GRM8: variants seen among roughly 807,000 people sequenced by gnomAD.
The protein encoded by GRM8 is metabotropic glutamate receptor 8.
GRM8 carries 47 observed loss-of-function variants against 87.2 expected under a neutral mutation model. That is an observed-to-expected ratio of 0.54 (90% CI 0.43 to 0.69). The LOEUF is 0.69. Among genes scored for constraint, GRM8 ranks in the 30% least tolerant of loss-of-function variants. The probability of loss-of-function intolerance (pLI) is 0.00; values close to 1 mark genes in which losing one functional copy is unlikely to be tolerated. For synonymous variants in GRM8, 396 were observed against 404.5 expected (o/e 0.98, Z 0.25); for missense variants, 1,019 against 1,139.2 (o/e 0.89, Z 1.52).
chr7:127,244,159 C>G (rs1374923895), intron 1 of GRM8, among the ~76,000 whole-genome samples: 1 of 152,098 alleles, frequency 6.6e-6, no homozygotes, highest in African/African-American at 2.4e-5. Flanking sequence ...AAATGAAACA[C>G]ACAGGTAAGG....
chr7:126,917,592 A>T (rs1240911839), intron 3 of GRM8, among the ~76,000 whole-genome samples: 1 of 152,210 alleles, frequency 6.6e-6, no homozygotes. Context: ...TTATTTTTAC[A>T]TGGAAAAAAC....
chr7:127,232,117 A>G (rs1175102750), intron 2 of GRM8, among the ~76,000 whole-genome samples: 1 of 152,052 alleles, frequency 6.6e-6, no homozygotes, highest in East Asian at 1.9e-4. Context: ...TTGGCCTTCA[A>G]GAAAACTAGA....
chr7:127,096,815 C>G (rs1441900003), intron 3 of GRM8, among the ~76,000 whole-genome samples: 1 of 152,174 alleles, frequency 6.6e-6, no homozygotes, highest in African/African-American at 2.4e-5. Flanking sequence ...GATGAACCTA[C>G]AGATTATAGG....
At chr7:126,642,648 A>T (rs994611923) in intron 7 of GRM8, among the ~76,000 whole-genome samples, 1 of 137,056 alleles carries the variant, frequency 7.3e-6, no homozygotes, top group Non-Finnish European at 1.7e-5. Context: ...TAAAAAAAAT[A>T]ATAATAATAA....
chr7:127,131,865 C>T (rs565404309), intron 2 of GRM8, among the ~76,000 whole-genome samples: 42 of 152,158 alleles, frequency 2.8e-4, no homozygotes, highest in African/African-American at 1.0e-3. Context: ...GTTATTTATG[C>T]TTAATTATGT....
intron 8 of GRM8, among the ~76,000 whole-genome samples, chr7:126,545,189 C>A (rs1034269014): frequency 2.0e-5 from 3 of 152,048 alleles, no homozygotes; most frequent in Admixed American, 2.0e-4. Flanking sequence ...ATTGTGGATG[C>A]GGTGGTTTAA....
chr7:126,569,830 T>G (rs1460113923), intron 8 of GRM8, among the ~76,000 whole-genome samples: 1 of 152,220 alleles, frequency 6.6e-6, no homozygotes, highest in Non-Finnish European at 1.5e-5. Context: ...TACAGGCACC[T>G]AAGTCAATCC....
intron 3 of GRM8, among the ~76,000 whole-genome samples, chr7:126,946,424 C>A (rs1288417247): frequency 6.6e-6 from 1 of 152,080 alleles, no homozygotes; most frequent in Non-Finnish European, 1.5e-5. Context: ...TCACTTGGGC[C>A]TAATAAATTG....
At chr7:126,483,023 G>A (rs545281937) in intron 9 of GRM8, among the ~76,000 whole-genome samples, 50 of 149,342 alleles carry the variant, frequency 3.3e-4, no homozygotes, top group African/African-American at 1.1e-3. Context: ...ATGTTTATGT[G>A]TATACTTATT....
chr7:127,178,058 G>A (rs1427585972), intron 2 of GRM8, among the ~76,000 whole-genome samples: 2 of 152,130 alleles, frequency 1.3e-5, no homozygotes, highest in East Asian at 3.9e-4. Flanking sequence ...AATCAGGGAA[G>A]GACCAGAGAA....
chr7:126,764,341 T>C (rs144682968), intron 7 of GRM8, among the ~76,000 whole-genome samples: 42 of 152,200 alleles, frequency 2.8e-4, no homozygotes, highest in African/African-American at 8.4e-4. Flanking sequence ...TTTTGTTTTG[T>C]ATTTGTAACA....
At chr7:127,196,808 G>A (rs1795301453) in intron 2 of GRM8, among the ~76,000 whole-genome samples, 2 of 152,150 alleles carry the variant, frequency 1.3e-5, no homozygotes. Context: ...TCCTCATCCT[G>A]TAACATAGAG....
At chr7:126,956,048 C>T (rs960466911) in intron 3 of GRM8, among the ~76,000 whole-genome samples, 1 of 151,992 alleles carries the variant, frequency 6.6e-6, no homozygotes, top group African/African-American at 2.4e-5. Flanking sequence ...ACAGAAAGCA[C>T]GAATTTGACG....
At chr7:126,741,855 C>T (rs1215491849) in intron 7 of GRM8, among the ~76,000 whole-genome samples, 1 of 152,060 alleles carries the variant, frequency 6.6e-6, no homozygotes, top group Non-Finnish European at 1.5e-5. Context: ...TTTTAAAAGA[C>T]TAAGTTCCTT....
chr7:126,986,309 C>A (rs536991503), intron 3 of GRM8, among the ~76,000 whole-genome samples: 2 of 152,272 alleles, frequency 1.3e-5, no homozygotes, highest in East Asian at 1.9e-4. Context: ...CACACACAGG[C>A]TGTAATCCCA....
intron 8 of GRM8, 123 bp downstream of exon 8, chr7:126,609,239 T>G (rs1199504509): frequency 4.8e-6 from 3 of 624,914 alleles, no homozygotes; most frequent in Non-Finnish European, 8.1e-6. Context: ...GAGAATCAAG[T>G]CATACATTTT....
chr7:126,693,878 A>AAC (rs2151378397), intron 7 of GRM8, among the ~76,000 whole-genome samples: 1 of 152,196 alleles, frequency 6.6e-6, no homozygotes, highest in African/African-American at 2.4e-5. Flanking sequence ...TGTTTCATTT[A>AAC]TTACATCTAA....
chr7:127,186,560 C>A (rs1449408561), intron 2 of GRM8, among the ~76,000 whole-genome samples: 1 of 152,188 alleles, frequency 6.6e-6, no homozygotes, highest in Non-Finnish European at 1.5e-5. Context: ...CCTCTCCCAG[C>A]TGCCTTCTGC....
chr7:126,980,483 T>A (rs1267088973), intron 3 of GRM8, among the ~76,000 whole-genome samples: 1 of 152,252 alleles, frequency 6.6e-6, no homozygotes, highest in Non-Finnish European at 1.5e-5. Context: ...AATATTTACT[T>A]GAATCTAGAG....
Sources: allele counts gnomAD v4.1 joint callset (sites outside exome capture counted in the v4.1 genomes callset), GRCh38; gene constraint gnomAD v4.1.1; transcripts MANE v1.5; gene names NCBI Gene and HGNC (gene_info 2026-07-23, HGNC 2026-07-21).